Variants in N4BP2 observed in about 807,000 individuals in gnomAD.
N4BP2 encodes the protein NEDD4-binding protein 2.
In N4BP2, 91 loss-of-function variants were observed where a neutral mutation model predicts 152.8. The observed-to-expected ratio is 0.60, with a 90% CI of 0.50 to 0.71. N4BP2 has a LOEUF of 0.71. Among genes scored for constraint, N4BP2 ranks in the 30% least tolerant of loss-of-function variants. The pLI is 0.00. For missense variants in N4BP2, 1,923 were observed against 2,059.1 expected (o/e 0.93, Z 1.28); for synonymous variants, 646 against 705.3 (o/e 0.92, Z 1.33).
rs761618654 is a variant in N4BP2, at chr4:40,131,934, G to A, written c.4646+15G>A. The A allele has an allele frequency of 1.4e-6, 2 of 1,452,324 alleles. No homozygotes were observed. Among genetic ancestry groups the A allele is most frequent in the Admixed American group, 1.7e-5 (1 of 59,530 alleles). The allele number at this position is 1,452,324 out of a possible 1,614,324, so 90.0% of individuals were successfully genotyped here. Reference sequence around the variant, plus strand: ...AAGGACCACAAGTGAGTGCTAGAAGGATTGTCTGTAGTTTCTACTCTGATG... The same window carrying A: ...AAGGACCACAAGTGAGTGCTAGAAGAATTGTCTGTAGTTTCTACTCTGATG... On this transcript the variant is annotated intron_variant, in intron 13 of 17. Transcript: ENST00000261435.
chr4:40,065,333 A>G (rs1733963592), intron 1 of N4BP2, among the ~76,000 whole-genome samples: 1 of 152,212 alleles, frequency 6.6e-6, no homozygotes, highest in African/African-American at 2.4e-5. Context: ...TCAAGTGGAT[A>G]TGTCTGTCAA....
chr4:40,131,860 C>CT lies in N4BP2; in HGVS notation c.4590dup (p.Lys1531Ter). 6.2e-7 allele frequency: 1 copy of CT among 1,613,672 alleles called. No homozygotes were observed. Among genetic ancestry groups the CT allele is most frequent in the East Asian group, 2.2e-5 (1 of 44,802 alleles). ...CCACTAAACTAAAGGAGAAGCAGCTCTTTAAGATATTTCCAGCCATTAACC... is the reference window on the plus strand; with the variant it reads ...CCACTAAACTAAAGGAGAAGCAGCTCTTTTAAGATATTTCCAGCCATTAACC... On this transcript the variant is annotated frameshift_variant, in exon 13 of 18. Coordinates refer to ENST00000261435, the MANE Select transcript of N4BP2 (RefSeq NM_018177.6). LOFTEE classifies it high-confidence loss of function.
At chr4:40,159,158 C>T (rs1485409562), downstream of N4BP2, among the ~76,000 whole-genome samples, 2 of 152,160 alleles carry the variant, frequency 1.3e-5, no homozygotes, top group Non-Finnish European at 2.9e-5. Flanking sequence ...ACCACATTCT[C>T]TGACTCCTAA....
chr4:40,137,207 ACCAATGGCATATTT>A (rs1252196238), intron 14 of N4BP2, 125 bp downstream of exon 14: 1 of 757,206 alleles, frequency 1.3e-6, no homozygotes, highest in Non-Finnish European at 2.0e-6. Flanking sequence ...AAATTTAACC[ACCAATGGCATATTT>A]GGCTTATAAT....
chr4:40,127,833 T>A (rs1220592559), intron 12 of N4BP2, among the ~76,000 whole-genome samples: 1 of 152,158 alleles, frequency 6.6e-6, no homozygotes, highest in African/African-American at 2.4e-5. Context: ...GCTAATTTTT[T>A]GTATTTTTTA....
At chr4:40,148,200 G>C in intron 16 of N4BP2, among the ~76,000 whole-genome samples, 1 of 152,250 alleles carries the variant, frequency 6.6e-6, no homozygotes, top group East Asian at 1.9e-4. Context: ...TGCAATCCCG[G>C]CACCTCGGGA....
At chr4:40,135,969 A>G (rs1719346785) in intron 13 of N4BP2, among the ~76,000 whole-genome samples, 1 of 152,222 alleles carries the variant, frequency 6.6e-6, no homozygotes, top group African/African-American at 2.4e-5. Context: ...TGAGCAGCAT[A>G]TAATTTTTTT....
At chr4:40,116,360 G>T (rs867609711) in intron 7 of N4BP2, among the ~76,000 whole-genome samples, 1 of 151,764 alleles carries the variant, frequency 6.6e-6, no homozygotes, top group African/African-American at 2.4e-5. Flanking sequence ...TGTTTATCTC[G>T]CCTTTTCTGT....
chr4:40,137,633 A>C (rs962895245), intron 14 of N4BP2, among the ~76,000 whole-genome samples: 1 of 152,110 alleles, frequency 6.6e-6, no homozygotes, highest in African/African-American at 2.4e-5. Flanking sequence ...AAGTGTCGTG[A>C]AGGAAGTTTA....
chr4:40,140,563 T>G (rs1048050295), intron 14 of N4BP2, among the ~76,000 whole-genome samples: 4 of 152,078 alleles, frequency 2.6e-5, no homozygotes, highest in African/African-American at 7.2e-5. Context: ...TTCTGGAAAT[T>G]ATTTTTGCAC....
At chr4:40,181,149 C>CA in the N4BP2 span, among the ~76,000 whole-genome samples, 1 of 151,798 alleles carries the variant, frequency 6.6e-6, no homozygotes, top group Non-Finnish European at 1.5e-5. Flanking sequence ...GAGTCTGTCT[C>CA]AAAAAAGAAA....
At chr4:40,114,088 C>T (rs563102664) in intron 7 of N4BP2, among the ~76,000 whole-genome samples, 17 of 152,142 alleles carry the variant, frequency 1.1e-4, no homozygotes, top group Non-Finnish European at 2.2e-4. Flanking sequence ...TCACTCCATG[C>T]CTGCCTCCCA....
intron 1 of N4BP2, among the ~76,000 whole-genome samples, chr4:40,060,167 C>T (rs2109881037): frequency 6.6e-6 from 1 of 151,756 alleles, no homozygotes; most frequent in South Asian, 2.1e-4. Context: ...TTACCTATCT[C>T]AGCATTGCCC....
chr4:40,150,676 G>GGGA (rs1553928674), intron 16 of N4BP2, among the ~76,000 whole-genome samples: 1,519 of 146,394 alleles, frequency 0.01, 44 homozygotes, highest in South Asian at 0.1. Flanking sequence ...GTCTCAGGGG[G>GGGA]AAAAAAAAAA....
chr4:40,119,662 A>G (rs1253762944), intron 8 of N4BP2, among the ~76,000 whole-genome samples: 1 of 152,180 alleles, frequency 6.6e-6, no homozygotes, highest in Non-Finnish European at 1.5e-5. Flanking sequence ...CCTAAACTGA[A>G]AATCTCATAT....
chr4:40,137,146 C>A, intron 14 of N4BP2, 64 bp downstream of exon 14: 3 of 1,268,422 alleles, frequency 2.4e-6, no homozygotes, highest in South Asian at 1.6e-5. Flanking sequence ...ATAATTGGTT[C>A]ATTGAGTATA....
Position 40,117,961 on chromosome 4 carries a change from C to T in N4BP2, c.1757C>T (p.Ser586Leu), listed in dbSNP as rs755567628. 25 of 1,612,292 alleles carry T rather than the reference C, an allele frequency of 1.6e-5. No homozygotes were observed. The highest frequency in any genetic ancestry group is 2.0e-5 in the Non-Finnish European group (23 of 1,179,192). The change falls in exon 8 of 18, where the codon TCG becomes TTG. Residue 586 changes from serine (S) to leucine (L), a missense_variant. Ser to Leu is a moderately radical substitution (Grantham distance 145, BLOSUM62 -2). Transcript: ENST00000261435. The stretch of plus-strand genomic sequence containing the variant: ...TCAGTGCCAATAATTATGAGTTCTT[C>T]GGTTCCAGAGAAAATTGAACGTATT... The part of the protein sequence containing the change: ...FVSVPIIMSS[S>L]VPEKIERIEL...
intron 16 of N4BP2, among the ~76,000 whole-genome samples, chr4:40,146,817 C>T (rs7668906): frequency 0.016 from 2,408 of 148,646 alleles, 62 homozygotes; most frequent in African/African-American, 0.057. Context: ...ATTTCCTCCT[C>T]TCTATTCTGG....
the N4BP2 span, among the ~76,000 whole-genome samples, chr4:40,171,852 T>C: frequency 1.6e-4 from 24 of 152,198 alleles, no homozygotes; most frequent in Admixed American, 3.9e-4. Flanking sequence ...GAGTCTGATG[T>C]TCGAGGGCAG....
Sources: allele counts gnomAD v4.1 joint callset (sites outside exome capture counted in the v4.1 genomes callset), GRCh38; gene constraint gnomAD v4.1.1; transcripts MANE v1.5; gene names NCBI Gene and HGNC (gene_info 2026-07-23, HGNC 2026-07-21).